The following FGF14 variants were observed in gnomAD, a reference collection of about 807,000 sequenced individuals.
The protein encoded by FGF14 is fibroblast growth factor 14.
A neutral mutation model predicts 25.5 loss-of-function variants in FGF14; 5 were observed. The observed-to-expected ratio is 0.20, with a 90% confidence interval of 0.10 to 0.41. FGF14 has a LOEUF of 0.41. FGF14 is among the 10% of genes least tolerant of loss of function. The probability of loss-of-function intolerance (pLI) is 1.00; values close to 1 mark genes in which losing one functional copy is unlikely to be tolerated. For synonymous variants in FGF14, 138 were observed against 118.3 expected (o/e 1.17, Z -1.08); for missense variants, 222 against 320.1 (o/e 0.69, Z 2.34).
intron 1 of FGF14, among the ~76,000 whole-genome samples, chr13:102,050,784 A>G (rs2042184448): frequency 6.6e-6 from 1 of 152,232 alleles, no homozygotes; most frequent in African/African-American, 2.4e-5. Flanking sequence ...AGAGAAAAAA[A>G]ACATAGAATA....
intron 1 of FGF14, among the ~76,000 whole-genome samples, chr13:102,378,167 C>T (rs1451726894): frequency 6.6e-6 from 1 of 152,148 alleles, no homozygotes; most frequent in African/African-American, 2.4e-5. Context: ...GAGCACACAA[C>T]ACCAGGAGTG....
intron 1 of FGF14, among the ~76,000 whole-genome samples, chr13:101,901,405 T>C (rs769654892): frequency 6.6e-6 from 1 of 151,966 alleles, no homozygotes; most frequent in Non-Finnish European, 1.5e-5. Context: ...GGGAGTCATA[T>C]CAAAATGGGG....
chr13:102,041,641 G>C (rs2041749521), intron 1 of FGF14, among the ~76,000 whole-genome samples: 1 of 151,722 alleles, frequency 6.6e-6, no homozygotes, highest in Non-Finnish European at 1.5e-5. Context: ...AACTAGAACA[G>C]GAATTTTGAA....
intron 1 of FGF14, among the ~76,000 whole-genome samples, chr13:102,021,173 G>A (rs1261035931): frequency 6.6e-6 from 1 of 152,042 alleles, no homozygotes; most frequent in African/African-American, 2.4e-5. Flanking sequence ...ACAGAGGAAG[G>A]AGATTTAGAG....
intron 1 of FGF14, among the ~76,000 whole-genome samples, chr13:102,257,258 G>A (rs770807889): frequency 6.7e-6 from 1 of 148,510 alleles, no homozygotes; most frequent in Non-Finnish European, 1.5e-5. Flanking sequence ...TTTTCTGGAA[G>A]TGAATTCTTT....
intron 3 of FGF14, chr13:101,868,397 G>T: frequency 1.9e-5 from 4 of 209,054 alleles, no homozygotes; most frequent in East Asian, 1.2e-4. Flanking sequence ...AATTCATATT[G>T]TTTCTTTTAA....
At chr13:101,728,834 G>A (rs1342650983) in intron 3 of FGF14, among the ~76,000 whole-genome samples, 1 of 152,092 alleles carries the variant, frequency 6.6e-6, no homozygotes. Context: ...GCTCACTGAT[G>A]CTCATCCTGT....
chr13:102,145,916 C>T (rs1162769972), intron 1 of FGF14, among the ~76,000 whole-genome samples: 1 of 152,150 alleles, frequency 6.6e-6, no homozygotes, highest in Non-Finnish European at 1.5e-5. Context: ...CTTGCAAAAT[C>T]ATTCCTATTT....
At chr13:102,150,464 A>T in intron 1 of FGF14, among the ~76,000 whole-genome samples, 1 of 152,178 alleles carries the variant, frequency 6.6e-6, no homozygotes, top group East Asian at 1.9e-4. Flanking sequence ...TGGGTTCTTC[A>T]TGTGCCCACC....
intron 1 of FGF14, among the ~76,000 whole-genome samples, chr13:102,065,899 C>T (rs2042884893): frequency 6.6e-6 from 1 of 151,810 alleles, no homozygotes; most frequent in South Asian, 2.1e-4. Context: ...ATGAATAAAC[C>T]ATTAATCATT....
chr13:102,075,943 A>G (rs949144207), intron 1 of FGF14, among the ~76,000 whole-genome samples: 3 of 152,222 alleles, frequency 2.0e-5, no homozygotes, highest in African/African-American at 7.2e-5. Context: ...ATAAGAATAT[A>G]AGGAAAAATA....
At chr13:102,006,724 C>CTT (rs1566562317) in intron 1 of FGF14, among the ~76,000 whole-genome samples, 13 of 97,966 alleles carry the variant, frequency 1.3e-4, no homozygotes, top group South Asian at 3.6e-4. Flanking sequence ...CAAAATCTTA[C>CTT]TTCTTTTTTT....
intron 1 of FGF14, among the ~76,000 whole-genome samples, chr13:101,999,176 AAAG>A (rs2039346566): frequency 6.6e-6 from 1 of 152,238 alleles, no homozygotes; most frequent in Non-Finnish European, 1.5e-5. Flanking sequence ...ATTTAACATT[AAAG>A]AAGAATGTGC....
intron 1 of FGF14, among the ~76,000 whole-genome samples, chr13:101,977,950 A>AC (rs1003539320): frequency 6.6e-6 from 1 of 152,124 alleles, no homozygotes; most frequent in African/African-American, 2.4e-5. Context: ...TAAAAAAAAA[A>AC]AAAAAACTAG....
At chr13:102,098,431 A>G (rs2044508553) in intron 1 of FGF14, among the ~76,000 whole-genome samples, 1 of 152,072 alleles carries the variant, frequency 6.6e-6, no homozygotes, top group African/African-American at 2.4e-5. Context: ...TTTATTATTC[A>G]TATACTTTTT....
At chr13:102,191,393 G>T (rs1336237815) in intron 1 of FGF14, among the ~76,000 whole-genome samples, 1 of 152,158 alleles carries the variant, frequency 6.6e-6, no homozygotes, top group Admixed American at 6.5e-5. Flanking sequence ...GTCCAGCATG[G>T]TGAAGTTTTT....
chr13:102,157,045 G>A (rs1354954522), intron 1 of FGF14, among the ~76,000 whole-genome samples: 1 of 152,144 alleles, frequency 6.6e-6, no homozygotes, highest in Non-Finnish European at 1.5e-5. Flanking sequence ...ATGCTCATGG[G>A]TAGGAAGAAT....
intron 1 of FGF14, among the ~76,000 whole-genome samples, chr13:102,319,834 G>A (rs2056175638): frequency 6.6e-6 from 1 of 152,148 alleles, no homozygotes; most frequent in Non-Finnish European, 1.5e-5. Flanking sequence ...TAATAGAGAT[G>A]ATATAGACAT....
In FGF14 at chr13:101,842,038, G is replaced by A. The variant is rs139142399; in HGVS notation, c.408+26687C>T. The stretch of plus-strand genomic sequence containing the variant: ...AATATTTTAAATTTTCTTTGGCAAC[G>A]TTATGATCTATTCATGGTCACTGAG... On this transcript the variant is annotated intron_variant, in intron 3 of 4. Transcript: ENST00000376143. Among the ~76,000 whole-genome samples, 531 of 151,966 alleles carry A rather than the reference G, an allele frequency of 3.5e-3. 4 individuals carry two copies. The highest frequency in any genetic ancestry group is 0.012 in the African/African-American group (514 of 41,478).
Sources: allele counts gnomAD v4.1 joint callset (sites outside exome capture counted in the v4.1 genomes callset), GRCh38; gene constraint gnomAD v4.1.1; transcripts MANE v1.5; gene names NCBI Gene and HGNC (gene_info 2026-07-23, HGNC 2026-07-21).